The following SLC36A1 variants were observed in gnomAD, a reference collection of about 807,000 sequenced individuals.
SLC36A1 encodes proton-coupled amino acid transporter 1.
In SLC36A1, 30 loss-of-function variants were observed where a neutral mutation model predicts 47.5. The observed-to-expected ratio is 0.63, with a 90% confidence interval of 0.47 to 0.86. The LOEUF is 0.86. SLC36A1 is among the 40% of genes least tolerant of loss of function. The pLI, the probability that SLC36A1 is intolerant of heterozygous loss-of-function variation, is 0.00. For synonymous variants in SLC36A1, 255 were observed against 249.7 expected (o/e 1.02, Z -0.20); for missense variants, 517 against 606.0 (o/e 0.85, Z 1.54).
intron 10 of SLC36A1, among the ~76,000 whole-genome samples, chr5:151,482,535 T>C (rs12108809): frequency 0.069 from 10,466 of 152,294 alleles, 1,116 homozygotes; most frequent in African/African-American, 0.24. Flanking sequence ...CATTGTATCT[T>C]CTGTGTCTTA....
the SLC36A1 span, among the ~76,000 whole-genome samples, chr5:151,534,883 T>C: frequency 0.16 from 23,553 of 150,488 alleles, 2,014 homozygotes; most frequent in South Asian, 0.29. Flanking sequence ...AAGCTAAAAA[T>C]AGGTATATTC....
At chr5:151,469,266 G>C (rs1406411233) in intron 7 of SLC36A1, 1 of 700,574 alleles carries the variant, frequency 1.4e-6, no homozygotes, top group African/African-American at 1.7e-5. Context: ...TGGATTTACA[G>C]CCCATGTAAG....
chr5:151,531,637 C>T, the SLC36A1 span: 7 of 1,613,462 alleles, frequency 4.3e-6, no homozygotes, highest in Non-Finnish European at 5.1e-6. This position sits in a 1 kb window ranked among gnomAD's most constrained non-coding sequence, Gnocchi z 5.7. Context: ...GCTGACCACG[C>T]GGTAGCCGGT....
chr5:151,369,211 A>G, the SLC36A1 span, among the ~76,000 whole-genome samples: 1 of 152,266 alleles, frequency 6.6e-6, no homozygotes, highest in African/African-American at 2.4e-5. Context: ...ATTATAGACT[A>G]CAGAAAATTT....
chr5:151,507,562 G>T, the SLC36A1 span: 1 of 1,613,944 alleles, frequency 6.2e-7, no homozygotes. Flanking sequence ...TGGATCTCGG[G>T]AGTGACTAGG....
At chr5:151,507,342 G>T in the SLC36A1 span, 17 of 1,614,066 alleles carry the variant, frequency 1.1e-5, no homozygotes, top group Non-Finnish European at 1.3e-5. Context: ...GTTGTTGCAG[G>T]AGCTGGCACT....
chr5:151,520,034 C>T, the SLC36A1 span, among the ~76,000 whole-genome samples: 7 of 152,226 alleles, frequency 4.6e-5, no homozygotes, highest in Admixed American at 1.3e-4. Flanking sequence ...TTGGCTTTCC[C>T]TGAAGCAGGC....
chr5:151,502,436 T>C, the SLC36A1 span, among the ~76,000 whole-genome samples: 98 of 148,318 alleles, frequency 6.6e-4, 5 homozygotes, highest in Non-Finnish European at 1.0e-3. Context: ...TACAAAGAAC[T>C]CTTAATACTC....
the SLC36A1 span, among the ~76,000 whole-genome samples, chr5:151,365,646 G>A: frequency 7.9e-5 from 12 of 152,164 alleles, no homozygotes; most frequent in Non-Finnish European, 1.8e-4. Context: ...TCAGGGACAG[G>A]GTTTAGTGGT....
chr5:151,460,286 GAT>G (rs71882088), intron 2 of SLC36A1, among the ~76,000 whole-genome samples: 48,297 of 151,956 alleles, frequency 0.32, 8,360 homozygotes, highest in East Asian at 0.65. Context: ...TTTGATCTCA[GAT>G]ATCAACTTGT....
At chr5:151,512,388 G>A in the SLC36A1 span, 31 of 1,614,218 alleles carry the variant, frequency 1.9e-5, no homozygotes, top group Admixed American at 2.5e-4. This position sits in a 1 kb window ranked among gnomAD's most constrained non-coding sequence, Gnocchi z 4.1. Flanking sequence ...GAATGAGGCC[G>A]CCCAGCAAGA....
the SLC36A1 span, among the ~76,000 whole-genome samples, chr5:151,402,955 A>T: frequency 6.6e-6 from 1 of 152,178 alleles, no homozygotes; most frequent in Middle Eastern, 3.4e-3. Context: ...CAAAAAATCA[A>T]CTTTTGGCTT....
At chr5:151,544,579 T>C in the SLC36A1 span, 10 of 1,614,040 alleles carry the variant, frequency 6.2e-6, no homozygotes, top group African/African-American at 2.7e-5. Flanking sequence ...GAGGGTGATA[T>C]TTTCAGGTAC....
chr5:151,468,271 ATATATATATATATATATATATATTT>A (rs1261818033), intron 7 of SLC36A1, among the ~76,000 whole-genome samples: 1 of 90,100 alleles, frequency 1.1e-5, no homozygotes, highest in African/African-American at 5.7e-5. Flanking sequence ...AAAAAAATAT[ATATATATATATATATATATATATTT>A]TATATATATA....
At chr5:151,441,998 T>C (rs1021187857) in intron 1 of SLC36A1, among the ~76,000 whole-genome samples, 1 of 152,208 alleles carries the variant, frequency 6.6e-6, no homozygotes, top group African/African-American at 2.4e-5. Flanking sequence ...TATTATTTTG[T>C]ATTTTCTAGA....
At chr5:151,508,375 C>G in the SLC36A1 span, among the ~76,000 whole-genome samples, 2 of 152,298 alleles carry the variant, frequency 1.3e-5, no homozygotes, top group African/African-American at 4.8e-5. Flanking sequence ...ATAGCATTCC[C>G]GACTGCAAAG....
chr5:151,396,130 TCTTA>T, the SLC36A1 span, among the ~76,000 whole-genome samples: 2 of 149,234 alleles, frequency 1.3e-5, no homozygotes, highest in South Asian at 2.1e-4. Flanking sequence ...TCCTTCTTCT[TCTTA>T]CTATTATTAT....
the SLC36A1 span, among the ~76,000 whole-genome samples, chr5:151,500,948 G>A: frequency 6.6e-6 from 1 of 152,320 alleles, no homozygotes; most frequent in Non-Finnish European, 1.5e-5. Context: ...GGAAGAAAAG[G>A]AGAAGGCGGG....
chr5:151,426,461 G>A, the SLC36A1 span, among the ~76,000 whole-genome samples: 1 of 152,096 alleles, frequency 6.6e-6, no homozygotes, highest in Non-Finnish European at 1.5e-5. Flanking sequence ...GAAAGGTGCT[G>A]TGCCTTGATG....
Sources: gnomAD v4.1 joint callset for allele counts (sites outside exome capture counted in the v4.1 genomes callset) on GRCh38, gnomAD v4.1.1 for gene constraint, Gnocchi (gnomAD v3.1) non-coding constraint, MANE v1.5 for transcripts, NCBI Gene and HGNC (gene_info 2026-07-23, HGNC 2026-07-21) for gene names.